Variants in SND1 observed in about 807,000 individuals in gnomAD.
SND1 encodes the protein staphylococcal nuclease and tudor domain containing 1.
In SND1, 38 loss-of-function variants were observed where a neutral mutation model predicts 121.7. That is an observed-to-expected ratio of 0.31 (90% CI 0.24 to 0.41). SND1 has a LOEUF of 0.41. Ranked by LOEUF, SND1 falls within the 10% of genes least tolerant of loss-of-function variation. SND1 has a pLI of 1.00. For missense variants in SND1, 868 were observed against 1,184.6 expected, an observed-to-expected ratio of 0.73 and a Z score of 3.92; for synonymous variants, 401 against 447.4, an observed-to-expected ratio of 0.90 and a Z score of 1.31.
intron 12 of SND1, among the ~76,000 whole-genome samples, chr7:127,879,151 T>C (rs1213970289): frequency 6.6e-6 from 1 of 152,150 alleles, no homozygotes; most frequent in Non-Finnish European, 1.5e-5. Flanking sequence ...ATAAAAGATA[T>C]TTGCACATTG....
intron 15 of SND1, among the ~76,000 whole-genome samples, chr7:127,942,936 T>A (rs1200267003): frequency 1.3e-5 from 2 of 152,210 alleles, no homozygotes; most frequent in African/African-American, 4.8e-5. Flanking sequence ...TGGCATATTA[T>A]ACATTAATAA....
intron 1 of SND1, among the ~76,000 whole-genome samples, chr7:127,684,247 C>T (rs1307813268): frequency 6.6e-6 from 1 of 152,116 alleles, no homozygotes; most frequent in African/African-American, 2.4e-5. Context: ...GTAAATAGGC[C>T]TTAGCTTTTA....
At chr7:127,718,178 C>T (rs976739599) in intron 9 of SND1, among the ~76,000 whole-genome samples, 11 of 151,980 alleles carry the variant, frequency 7.2e-5, no homozygotes, top group Admixed American at 2.0e-4. Flanking sequence ...GGGGTGTGAG[C>T]GTGCATGGGG....
chr7:127,723,562 G>A (rs1256197898), intron 10 of SND1, among the ~76,000 whole-genome samples: 2 of 152,124 alleles, frequency 1.3e-5, no homozygotes, highest in East Asian at 1.9e-4. Flanking sequence ...GAAGGGCCAC[G>A]TAAGAAATAA....
At chr7:127,665,466 C>T (rs191331917) in intron 1 of SND1, among the ~76,000 whole-genome samples, 40 of 152,136 alleles carry the variant, frequency 2.6e-4, no homozygotes, top group Non-Finnish European at 3.2e-4. Context: ...GGATTACAGG[C>T]GTGAGACACC....
chr7:127,710,232 C>T (rs1796275081), intron 9 of SND1, among the ~76,000 whole-genome samples: 1 of 152,082 alleles, frequency 6.6e-6, no homozygotes, highest in South Asian at 2.1e-4. Flanking sequence ...TTGTGTGTGT[C>T]TGTTCTTGTG....
intron 12 of SND1, chr7:127,858,613 A>T: frequency 3.3e-6 from 1 of 300,488 alleles, no homozygotes; most frequent in Non-Finnish European, 6.3e-6. Context: ...TCTAGGGAAC[A>T]AAAACACCAC....
chr7:127,921,329 A>G (rs1262396251), intron 14 of SND1, among the ~76,000 whole-genome samples: 1 of 152,142 alleles, frequency 6.6e-6, no homozygotes, highest in Non-Finnish European at 1.5e-5. Context: ...GTGCTTTTCT[A>G]ACCCCTTGCT....
At chr7:127,961,114 G>A (rs1198008332) in intron 15 of SND1, among the ~76,000 whole-genome samples, 3 of 152,182 alleles carry the variant, frequency 2.0e-5, no homozygotes, top group East Asian at 1.9e-4. Flanking sequence ...AAATTCACTC[G>A]TATGTGGGTC....
chr7:127,993,724 C>A (rs537670104), intron 16 of SND1, among the ~76,000 whole-genome samples: 2 of 152,302 alleles, frequency 1.3e-5, no homozygotes, highest in South Asian at 4.1e-4. Context: ...TTTTTCATGT[C>A]TTTTCTTTGG....
At chr7:127,667,919 ATGC>A (rs1174743717) in intron 1 of SND1, among the ~76,000 whole-genome samples, 1 of 152,204 alleles carries the variant, frequency 6.6e-6, no homozygotes, top group Non-Finnish European at 1.5e-5. Flanking sequence ...ATTATGTAAA[ATGC>A]TGTTGATCAA....
intron 4 of SND1, 108 bp from the exon 5 acceptor site, chr7:127,701,055 C>G: frequency 1.6e-6 from 2 of 1,224,520 alleles, no homozygotes; most frequent in Non-Finnish European, 2.3e-6. Flanking sequence ...TGAAACAGAC[C>G]TTTGTTGTCT....
At chr7:127,761,270 C>A (rs1282647141) in intron 10 of SND1, among the ~76,000 whole-genome samples, 1 of 152,196 alleles carries the variant, frequency 6.6e-6, no homozygotes, top group Non-Finnish European at 1.5e-5. Flanking sequence ...GGGAGGACAG[C>A]ATTTTCAAAT....
At chr7:127,662,611 A>G (rs1795334195) in intron 1 of SND1, among the ~76,000 whole-genome samples, 1 of 152,092 alleles carries the variant, frequency 6.6e-6, no homozygotes, top group Admixed American at 6.5e-5. Context: ...TACAGGTGTC[A>G]TGTTAGATAA....
At chr7:127,974,309 T>C (rs1029645750) in intron 15 of SND1, among the ~76,000 whole-genome samples, 8 of 152,234 alleles carry the variant, frequency 5.3e-5, no homozygotes, top group Admixed American at 3.9e-4. Context: ...ATGCCCGTTA[T>C]CTCCATCCAC....
chr7:127,912,297 A>G (rs549337888), intron 14 of SND1, among the ~76,000 whole-genome samples: 16 of 152,196 alleles, frequency 1.1e-4, no homozygotes, highest in Non-Finnish European at 2.2e-4. Context: ...ACCACAGTTA[A>G]TGATGGTTGT....
At position 128,015,704 on chromosome 7, in the gene SND1, G is replaced by A. The variant is rs1298447860; in HGVS notation, c.1779+24648G>A. Among the ~76,000 whole-genome samples the A allele has an allele frequency of 6.6e-6, 1 of 152,180 alleles. No individual in the cohort carries two copies. Among genetic ancestry groups the A allele is most frequent in the Non-Finnish European group, 1.5e-5 (1 of 68,030 alleles). On this transcript the variant is annotated intron_variant, in intron 16 of 23. Coordinates refer to ENST00000354725, the MANE Select transcript of SND1 (RefSeq NM_014390.4). The surrounding 1 kb of genome is among the most constrained non-coding windows in gnomAD (Gnocchi z 4.5). ...AGGGGTCATGGGTGACCTTGTTCAA[G>A]AGAAAGATATGGCTGCAGCAGCCCC...
chr7:127,695,542 A>G (rs1174800882), intron 3 of SND1, among the ~76,000 whole-genome samples: 2 of 152,120 alleles, frequency 1.3e-5, no homozygotes, highest in Non-Finnish European at 2.9e-5. Flanking sequence ...GTTGAAAGAG[A>G]TAGTATAGGC....
At chr7:127,763,465 G>A (rs1797342062) in intron 10 of SND1, among the ~76,000 whole-genome samples, 1 of 152,082 alleles carries the variant, frequency 6.6e-6, no homozygotes, top group Non-Finnish European at 1.5e-5. Flanking sequence ...TCCTGCCTCA[G>A]CCTTTCAAGT....
Sources: allele counts gnomAD v4.1 joint callset (sites outside exome capture counted in the v4.1 genomes callset), GRCh38; gene constraint gnomAD v4.1.1; non-coding constraint Gnocchi (gnomAD v3.1); transcripts MANE v1.5; gene names NCBI Gene and HGNC (gene_info 2026-07-23, HGNC 2026-07-21).